TRPM3: variants seen among roughly 807,000 people sequenced by gnomAD.
TRPM3 encodes the protein long transient receptor potential channel 3.
A neutral mutation model predicts 181.2 loss-of-function variants in TRPM3; 77 were observed. The ratio of observed to expected loss-of-function variants is 0.42; its 90% CI spans 0.35 to 0.51. TRPM3 has a LOEUF of 0.51. Ranked by LOEUF, TRPM3 falls within the 20% of genes least tolerant of loss-of-function variation. The pLI is 0.01. For synonymous variants in TRPM3, 745 were observed against 796.4 expected (o/e 0.94, Z 1.09); for missense variants, 1,759 against 2,196.7 (o/e 0.80, Z 3.98).
chr9:70,888,890 G>A (rs1006198955), intron 1 of TRPM3, among the ~76,000 whole-genome samples: 10 of 152,146 alleles, frequency 6.6e-5, no homozygotes, highest in Non-Finnish European at 1.5e-5. Flanking sequence ...TTTCTCTCAA[G>A]TATTCTTCTA....
intron 1 of TRPM3, among the ~76,000 whole-genome samples, chr9:71,365,972 G>C (rs899198484): frequency 2.6e-5 from 4 of 152,096 alleles, no homozygotes; most frequent in Non-Finnish European, 5.9e-5. Flanking sequence ...GGGGGATAAA[G>C]AGAGATGGGG....
chr9:71,209,784 A>T (rs891366364), intron 1 of TRPM3, among the ~76,000 whole-genome samples: 3 of 152,342 alleles, frequency 2.0e-5, no homozygotes, highest in South Asian at 2.1e-4. Flanking sequence ...ATTATATGAC[A>T]TTTAAATGTC....
chr9:70,696,376 A>C (rs1158395806), intron 8 of TRPM3, among the ~76,000 whole-genome samples: 4 of 152,190 alleles, frequency 2.6e-5, no homozygotes, highest in Non-Finnish European at 5.9e-5. Flanking sequence ...GTTTCCTCCT[A>C]ATACACATCC....
chr9:71,338,806 T>C (rs2090755946), intron 1 of TRPM3, among the ~76,000 whole-genome samples: 1 of 152,160 alleles, frequency 6.6e-6, no homozygotes, highest in Admixed American at 6.6e-5. Flanking sequence ...TCTTACTTGA[T>C]AGAGAAACAT....
chr9:71,439,100 G>A (rs901921475), intron 1 of TRPM3, among the ~76,000 whole-genome samples: 1 of 152,088 alleles, frequency 6.6e-6, no homozygotes. Flanking sequence ...TAAAAACATA[G>A]AAGAATGGAC....
At chr9:70,601,492 G>A (rs1393405571) in intron 20 of TRPM3, among the ~76,000 whole-genome samples, 1 of 152,110 alleles carries the variant, frequency 6.6e-6, no homozygotes, top group Non-Finnish European at 1.5e-5. Context: ...CATGGCCTGT[G>A]GGGTCCTCAC....
chr9:71,133,567 G>A (rs1431285872), intron 1 of TRPM3, among the ~76,000 whole-genome samples: 3 of 152,002 alleles, frequency 2.0e-5, no homozygotes, highest in Admixed American at 6.6e-5. Flanking sequence ...CAAGGTGCTG[G>A]GTTTACAGGC....
chr9:71,243,717 T>C (rs1405240400), intron 1 of TRPM3, among the ~76,000 whole-genome samples: 1 of 152,224 alleles, frequency 6.6e-6, no homozygotes, highest in African/African-American at 2.4e-5. Flanking sequence ...TGTAATCACA[T>C]TAGCCTAATT....
At chr9:71,215,853 A>G (rs2131823865) in intron 1 of TRPM3, among the ~76,000 whole-genome samples, 1 of 152,278 alleles carries the variant, frequency 6.6e-6, no homozygotes, top group African/African-American at 2.4e-5. Flanking sequence ...GGGCAGAACA[A>G]AGGCAGGAAG....
chr9:71,100,821 A>G (rs1217278114), intron 1 of TRPM3, among the ~76,000 whole-genome samples: 12 of 152,166 alleles, frequency 7.9e-5, no homozygotes, highest in Non-Finnish European at 1.8e-4. Context: ...TACACAAAGT[A>G]AATGCTTAAT....
At chr9:71,402,798 T>C (rs1440371301) in intron 1 of TRPM3, among the ~76,000 whole-genome samples, 1 of 152,128 alleles carries the variant, frequency 6.6e-6, no homozygotes, top group Non-Finnish European at 1.5e-5. Context: ...TCCATGCTGA[T>C]TGGGCCTCAA....
chr9:71,287,604 A>G (rs1208553552), intron 1 of TRPM3, among the ~76,000 whole-genome samples: 1 of 151,776 alleles, frequency 6.6e-6, no homozygotes, highest in African/African-American at 2.4e-5. Flanking sequence ...AAAAAACTAC[A>G]ACTCCAGAAT....
intron 1 of TRPM3, among the ~76,000 whole-genome samples, chr9:71,242,158 T>C (rs1251671757): frequency 1.3e-5 from 2 of 152,200 alleles, no homozygotes; most frequent in African/African-American, 4.8e-5. Flanking sequence ...TGTTCTTCAG[T>C]AGGACAAAGT....
intron 6 of TRPM3, among the ~76,000 whole-genome samples, chr9:70,820,357 T>C (rs1283876191): frequency 6.6e-6 from 1 of 152,096 alleles, no homozygotes; most frequent in South Asian, 2.1e-4. Context: ...CAGAGCCAGG[T>C]TATGATTTGT....
intron 1 of TRPM3, among the ~76,000 whole-genome samples, chr9:70,993,302 G>C (rs906846109): frequency 2.6e-5 from 4 of 152,182 alleles, no homozygotes; most frequent in Non-Finnish European, 5.9e-5. Context: ...TACAGTACAG[G>C]TGTGAGGTGA....
intron 7 of TRPM3, among the ~76,000 whole-genome samples, chr9:70,780,351 G>T (rs1034079417): frequency 1.3e-5 from 2 of 152,148 alleles, no homozygotes; most frequent in African/African-American, 4.8e-5. Context: ...TCATAAACAG[G>T]ATGTATGTGT....
At chr9:71,259,418 T>C (rs1360624471) in intron 1 of TRPM3, among the ~76,000 whole-genome samples, 1 of 152,198 alleles carries the variant, frequency 6.6e-6, no homozygotes, top group South Asian at 2.1e-4. Flanking sequence ...GTAATGGGAT[T>C]GCTGGGTCAA....
intron 1 of TRPM3, among the ~76,000 whole-genome samples, chr9:71,023,972 C>T (rs1209121790): frequency 6.6e-6 from 1 of 152,094 alleles, no homozygotes; most frequent in African/African-American, 2.4e-5. Context: ...AAACTAAATA[C>T]ACACACAAAT....
intron 1 of TRPM3, among the ~76,000 whole-genome samples, chr9:70,941,571 A>G (rs72729794): frequency 0.015 from 2,349 of 152,202 alleles, 30 homozygotes; most frequent in South Asian, 0.034. Context: ...ATATACATCT[A>G]TCCTATTAGT....
Sources: gnomAD v4.1 joint callset for allele counts (sites outside exome capture counted in the v4.1 genomes callset) on GRCh38, gnomAD v4.1.1 for gene constraint, MANE v1.5 for transcripts, NCBI Gene and HGNC (gene_info 2026-07-23, HGNC 2026-07-21) for gene names.